Variants in MACROD1 observed in about 807,000 individuals in gnomAD.
MACROD1 encodes the protein ADP-ribose glycohydrolase MACROD1.
MACROD1 carries 31 observed loss-of-function variants against 41.4 expected under a neutral mutation model. The observed-to-expected ratio is 0.75, with a 90% CI of 0.56 to 1.01. The LOEUF (loss-of-function observed/expected upper bound fraction) is 1.01, where lower values mean the gene tolerates loss of function less well. Ranked by LOEUF, MACROD1 falls within the 50% of genes least tolerant of loss-of-function variation. The probability of loss-of-function intolerance (pLI) is 0.00; values close to 1 mark genes in which losing one functional copy is unlikely to be tolerated. For synonymous variants in MACROD1, 252 were observed against 203.4 expected (o/e 1.24, Z -2.03); for missense variants, 473 against 460.0 (o/e 1.03, Z -0.26).
At chr11:64,025,918 C>T (rs1027512192) in intron 3 of MACROD1, among the ~76,000 whole-genome samples, 5 of 152,068 alleles carry the variant, frequency 3.3e-5, no homozygotes, top group African/African-American at 1.2e-4. Context: ...CGCCGTAACT[C>T]ACACCTGTAA....
At chr11:64,137,699 C>T (rs1412737214) in intron 3 of MACROD1, among the ~76,000 whole-genome samples, 2 of 152,146 alleles carry the variant, frequency 1.3e-5, no homozygotes, top group African/African-American at 4.8e-5. Flanking sequence ...GAAGGCCACA[C>T]ACCAGCATCG....
Position 64,165,738 on chromosome 11 carries a change from T to C in MACROD1, c.257A>G (p.Lys86Arg). The C allele has an allele frequency of 6.7e-7, 1 of 1,497,566 alleles. No homozygotes were observed. Among genetic ancestry groups the C allele is most frequent in the South Asian group, 1.3e-5 (1 of 75,790 alleles). 92.8% of individuals were successfully genotyped at this position (1,497,566 alleles called of 1,614,324 possible). The stretch of plus-strand genomic sequence containing the variant: ...GTCGGTGGAGGTGCTCAGGTCCACC[T>C]TCGCCGCCATGGCCAGGGGGGCCCA... ...RTWAPLAMAA[K>R]VDLSTSTDWK... The change falls in exon 1 of 11, where the codon AAG becomes AGG. Residue 86 changes from lysine (K) to arginine (R), a missense_variant. By Grantham distance (26) the Lys-to-Arg change is conservative. Transcript: ENST00000255681.
At chr11:63,999,166 C>T in intron 8 of MACROD1, 130 bp from the exon 9 acceptor site, 1 of 1,297,502 alleles carries the variant, frequency 7.7e-7, no homozygotes. Context: ...GGCTGTGTGC[C>T]ATCACCCCCA....
At position 64,152,331 on chromosome 11, in the gene MACROD1, T is replaced by A; in HGVS notation, c.361A>T (p.Arg121Trp). Reference sequence around the variant, plus strand: ...TTCCATGTCGGGATCTTCTTCAGCCTGACAAAGTCCTTGCAGAAGTAATGT... The same window carrying A: ...TTCCATGTCGGGATCTTCTTCAGCCAGACAAAGTCCTTGCAGAAGTAATGT... ...EEHYFCKDFVRLKKIPTWKEM... is the reference protein window; with the variant it reads ...EEHYFCKDFVWLKKIPTWKEM... The change falls in exon 2 of 11, where the codon AGG becomes TGG. Residue 121 changes from arginine to tryptophan, a missense_variant. Physicochemically the swap from Arg to Trp is moderately radical, Grantham distance 101. Coordinates refer to ENST00000255681, the MANE Select transcript of MACROD1 (RefSeq NM_014067.4). 6.2e-7 allele frequency: 1 copy of A among 1,614,260 alleles called. No homozygotes were observed. The highest frequency in any genetic ancestry group is 1.1e-5 in the South Asian group (1 of 91,092).
chr11:64,139,417 A>G (rs1164020140), intron 3 of MACROD1, among the ~76,000 whole-genome samples: 4 of 152,100 alleles, frequency 2.6e-5, no homozygotes, highest in African/African-American at 9.7e-5. Flanking sequence ...GAGTTCCTGT[A>G]TGTCCTTCCA....
chr11:64,074,226 C>T (rs1944160654), intron 3 of MACROD1, among the ~76,000 whole-genome samples: 1 of 152,180 alleles, frequency 6.6e-6, no homozygotes, highest in Admixed American at 6.5e-5. Flanking sequence ...CCCCAAGGCC[C>T]CAGAATGCAG....
chr11:64,163,698 A>G (rs1945791030), intron 1 of MACROD1, among the ~76,000 whole-genome samples: 1 of 152,192 alleles, frequency 6.6e-6, no homozygotes, highest in Non-Finnish European at 1.5e-5. Context: ...AGGGAGGGAG[A>G]CCCTGAGCTA....
At chr11:64,023,196 C>T (rs1180246167) in intron 3 of MACROD1, among the ~76,000 whole-genome samples, 1 of 152,070 alleles carries the variant, frequency 6.6e-6, no homozygotes, top group Non-Finnish European at 1.5e-5. Flanking sequence ...TTGCACACAC[C>T]CTCCTGTCCC....
intron 3 of MACROD1, among the ~76,000 whole-genome samples, chr11:64,133,435 G>A (rs1289114562): frequency 3.3e-5 from 5 of 152,332 alleles, no homozygotes; most frequent in East Asian, 3.9e-4. Flanking sequence ...GGAGGCACAC[G>A]CAATGTGAGA....
At chr11:64,137,933 A>G (rs2622428) in intron 3 of MACROD1, among the ~76,000 whole-genome samples, 9,822 of 152,296 alleles carry the variant, frequency 0.064, 393 homozygotes, top group Middle Eastern at 0.15. Context: ...TTCAGTGGAA[A>G]TAAGTAAATG....
At chr11:64,125,731 C>T (rs1945168452) in intron 3 of MACROD1, among the ~76,000 whole-genome samples, 1 of 152,206 alleles carries the variant, frequency 6.6e-6, no homozygotes, top group South Asian at 2.1e-4. Flanking sequence ...GTCAGTAACT[C>T]AGTTTCCCTT....
At chr11:64,042,851 T>C (rs1590829177) in intron 3 of MACROD1, among the ~76,000 whole-genome samples, 1 of 152,094 alleles carries the variant, frequency 6.6e-6, no homozygotes, top group African/African-American at 2.4e-5. Context: ...AGGGGCTGGG[T>C]AGTGCCACAC....
intron 3 of MACROD1, among the ~76,000 whole-genome samples, chr11:64,106,777 C>T (rs1944769634): frequency 6.6e-6 from 1 of 152,258 alleles, no homozygotes; most frequent in Non-Finnish European, 1.5e-5. Context: ...GGACTGTCCC[C>T]AGCCCTGCTG....
chr11:64,072,624 G>A (rs1474816316), intron 3 of MACROD1, among the ~76,000 whole-genome samples: 1 of 152,224 alleles, frequency 6.6e-6, no homozygotes, highest in African/African-American at 2.4e-5. Flanking sequence ...ATCAGATGGG[G>A]ATAACAAAGC....
chr11:64,101,190 C>G (rs573741410), intron 3 of MACROD1, among the ~76,000 whole-genome samples: 2 of 152,090 alleles, frequency 1.3e-5, no homozygotes, highest in Non-Finnish European at 2.9e-5. Context: ...GGGAACAGTA[C>G]AGTGAAGGGC....
Position 64,122,152 on chromosome 11 carries a change from T to C in MACROD1, c.517+29087A>G, listed in dbSNP as rs1294151861. On this transcript the variant is annotated intron_variant, in intron 3 of 10. Coordinates refer to ENST00000255681, the MANE Select transcript of MACROD1 (RefSeq NM_014067.4). The surrounding 1 kb of genome is among the most constrained non-coding windows in gnomAD (Gnocchi z 4.0). ...AAATCTATTAATTAGTCATACTCAATTCCACAGACATGATGTGCATCAAAA... is the reference window on the plus strand; with the variant it reads ...AAATCTATTAATTAGTCATACTCAACTCCACAGACATGATGTGCATCAAAA... Among the ~76,000 whole-genome samples the C allele has an allele frequency of 1.3e-5, 2 of 152,214 alleles. No homozygotes were observed. The highest frequency in any genetic ancestry group is 3.8e-4 in the East Asian group (2 of 5,198).
chr11:64,061,873 C>CTTTTTTTTTTTTTTTT (rs57666180), intron 3 of MACROD1, among the ~76,000 whole-genome samples: 1 of 99,130 alleles, frequency 1.0e-5, no homozygotes, highest in Non-Finnish European at 1.9e-5. Flanking sequence ...ACCACGCTGG[C>CTTTTTTTTTTTTTTTT]TTTTTTTTTT....
chr11:64,016,444 A>G (rs1328015612), intron 3 of MACROD1, among the ~76,000 whole-genome samples: 2 of 152,212 alleles, frequency 1.3e-5, no homozygotes, highest in African/African-American at 4.8e-5. Context: ...TCAGCTCTGC[A>G]CACAGCTTTG....
intron 3 of MACROD1, chr11:64,148,667 T>C: frequency 1.1e-6 from 1 of 915,026 alleles, no homozygotes; most frequent in Non-Finnish European, 1.3e-6. Flanking sequence ...TCTTCCTGCT[T>C]GAAACTTTAC....
Sources: allele counts gnomAD v4.1 joint callset (sites outside exome capture counted in the v4.1 genomes callset), GRCh38; gene constraint gnomAD v4.1.1; non-coding constraint Gnocchi (gnomAD v3.1); transcripts MANE v1.5; gene names NCBI Gene and HGNC (gene_info 2026-07-23, HGNC 2026-07-21).